The following GNPTAB variants were observed in gnomAD, a reference collection of about 807,000 sequenced individuals.
The protein encoded by GNPTAB is N-acetylglucosamine-1-phosphate transferase subunits alpha and beta.
A neutral mutation model predicts 136.6 loss-of-function variants in GNPTAB; 92 were observed. The observed-to-expected ratio is 0.67, with a 90% CI of 0.57 to 0.80. The LOEUF (loss-of-function observed/expected upper bound fraction) is 0.80. Ranked by LOEUF, GNPTAB falls within the 30% of genes least tolerant of loss-of-function variation. The pLI is 0.00. For synonymous variants in GNPTAB, 512 were observed against 535.1 expected (o/e 0.96, Z 0.60); for missense variants, 1,343 against 1,501.8 (o/e 0.89, Z 1.75).
At chr12:101,773,978 G>C (rs1953222095) in intron 7 of GNPTAB, among the ~76,000 whole-genome samples, 1 of 152,186 alleles carries the variant, frequency 6.6e-6, no homozygotes, top group African/African-American at 2.4e-5. Context: ...ACTCCCTACA[G>C]ACCCACAGTG....
intron 1 of GNPTAB, among the ~76,000 whole-genome samples, chr12:101,797,069 A>G (rs553742755): frequency 6.6e-6 from 1 of 152,246 alleles, no homozygotes; most frequent in East Asian, 1.9e-4. Flanking sequence ...TAGGGAAAAA[A>G]GGACAGGGCC....
At chr12:101,796,505 T>C in intron 2 of GNPTAB, 172 bp downstream of exon 2, 3 of 622,448 alleles carry the variant, frequency 4.8e-6, no homozygotes, top group South Asian at 4.0e-5. Context: ...TTTTTTCCTT[T>C]TTTTTAGTAT....
At chr12:101,800,697 G>C (rs1418186649) in intron 1 of GNPTAB, among the ~76,000 whole-genome samples, 8 of 151,240 alleles carry the variant, frequency 5.3e-5, no homozygotes, top group Non-Finnish European at 1.2e-4. Flanking sequence ...AGAATCGCTT[G>C]AACCTGGGAG....
At chr12:101,757,331 G>A in intron 17 of GNPTAB, 21 bp from the exon 18 acceptor site, 2 of 1,374,348 alleles carry the variant, frequency 1.5e-6, no homozygotes, top group Non-Finnish European at 2.1e-6. Context: ...AAACATATTT[G>A]AAGAGTTTAA....
At chr12:101,775,303 C>A (rs183821488) in intron 7 of GNPTAB, among the ~76,000 whole-genome samples, 1 of 151,986 alleles carries the variant, frequency 6.6e-6, no homozygotes, top group Non-Finnish European at 1.5e-5. Context: ...CTAAGACCAA[C>A]TGAAAACCAA....
rs34788341 is a variant in GNPTAB at position 101,757,566 on chromosome 12, A to C, written c.3335+6T>G. 147 of 1,343,364 alleles carry C rather than the reference A, an allele frequency of 1.1e-4. No individual in the cohort carries two copies. The highest frequency in any genetic ancestry group is 1.5e-4 in the Non-Finnish European group (138 of 934,038). The allele number at this position is 1,343,364 out of a possible 1,614,324, so 83.2% of individuals were successfully genotyped here. A position where few individuals can be genotyped will look rare whatever the true frequency, so the allele number is the denominator to read the frequency against. On this transcript the variant is annotated splice_donor_region_variant and intron_variant, in intron 17 of 20. Coordinates refer to ENST00000299314, the MANE Select transcript of GNPTAB (RefSeq NM_024312.5). ...TAAACAAAGGGAGTATGCGTGTACTACTTACCTATATTTGTTTTTGTCCTT... is the reference window on the plus strand; with the variant it reads ...TAAACAAAGGGAGTATGCGTGTACTCCTTACCTATATTTGTTTTTGTCCTT...
intron 19 of GNPTAB, among the ~76,000 whole-genome samples, chr12:101,750,415 G>A (rs1952799294): frequency 1.3e-5 from 2 of 152,202 alleles, no homozygotes; most frequent in Admixed American, 6.5e-5. Flanking sequence ...AATGTCTAGT[G>A]TCAGTGCAGT....
chr12:101,825,607 G>C (rs1204892015), intron 1 of GNPTAB, among the ~76,000 whole-genome samples: 1 of 152,100 alleles, frequency 6.6e-6, no homozygotes, highest in East Asian at 1.9e-4. Context: ...ATAGTTAGCT[G>C]GACTATGTAC....
intron 2 of GNPTAB, among the ~76,000 whole-genome samples, chr12:101,792,540 G>A (rs936456368): frequency 4.6e-5 from 7 of 152,166 alleles, no homozygotes; most frequent in Non-Finnish European, 8.8e-5. Context: ...AAGATGAAAC[G>A]AACTTGCAGG....
chr12:101,753,567 A>G (rs1212995981), intron 18 of GNPTAB, 28 bp from the exon 19 acceptor site: 1 of 1,580,638 alleles, frequency 6.3e-7, no homozygotes, highest in Non-Finnish European at 8.7e-7. Flanking sequence ...CAGGGTTATT[A>G]GTTACATATG....
Position 101,764,292 on chromosome 12 carries a change from C to T in GNPTAB, c.2625G>A (p.Val875=), listed in dbSNP as rs141529327. ...AATGCTGCAGCTTTCTTCCAAGTAA[C>T]ACTTCAGTAACGCCTATGTGATTTT... ...NAENHIGVTE[V]LLGRKLQHYT... The change falls in exon 13 of 21, where the codon GTG becomes GTA. Residue 875 remains valine, a synonymous_variant. Transcript: ENST00000299314. 738 of 1,614,022 alleles carry T rather than the reference C, an allele frequency of 4.6e-4. No homozygotes were observed. The highest frequency in any genetic ancestry group is 5.7e-4 in the Non-Finnish European group (676 of 1,179,974).
In GNPTAB at chr12:101,764,665, T is replaced by A. The variant is rs1320375643; in HGVS notation, c.2252A>T (p.Gln751Leu). The change falls in exon 13 of 21, where the codon CAA becomes CTA. Residue 751 changes from glutamine (Q) to leucine (L), a missense_variant. Transcript: ENST00000299314. ...MNSQHAKIKN[Q>L]AIITDETNDS... ...ATTTGTTTCATCTGTTATTATAGCT[T>A]GATTTTTTATTTTAGCATGCTGTGA... 1 of 1,612,750 alleles carries A rather than the reference T, an allele frequency of 6.2e-7. No homozygotes were observed. The highest frequency in any genetic ancestry group is 1.7e-5 in the Admixed American group (1 of 59,632).
chr12:101,760,865 C>T (rs1952981429), intron 15 of GNPTAB, among the ~76,000 whole-genome samples: 1 of 151,636 alleles, frequency 6.6e-6, no homozygotes, highest in Non-Finnish European at 1.5e-5. Context: ...CTGCAACCTC[C>T]ACCTCCCAGG....
chr12:101,807,190 A>G (rs1266593037), intron 1 of GNPTAB, among the ~76,000 whole-genome samples: 1 of 152,246 alleles, frequency 6.6e-6, no homozygotes, highest in Admixed American at 6.5e-5. Context: ...TTGTATGACG[A>G]TACCAATAGA....
In GNPTAB at chr12:101,830,651, G is replaced by C. The variant is rs1871323854; in HGVS notation, c.25C>G (p.Gln9Glu). The change falls in exon 1 of 21, where the codon CAG becomes GAG. Residue 9 changes from glutamine (Q) to glutamate (E), a missense_variant. Physicochemically the swap from Gln to Glu is conservative, Grantham distance 29. Coordinates refer to ENST00000299314, the MANE Select transcript of GNPTAB (RefSeq NM_024312.5). MLFKLLQR[Q>E]TYTCLSHRYG... is the part of the protein sequence containing the mutation. Reference sequence around the variant, plus strand: ...CTGTGGGACAGGCAGGTATAGGTCTGTCTCTGCAGGAGCTTGAACAGCATC... The same window carrying C: ...CTGTGGGACAGGCAGGTATAGGTCTCTCTCTGCAGGAGCTTGAACAGCATC... 1 of 1,609,838 alleles carries C rather than the reference G, an allele frequency of 6.2e-7. No homozygotes were observed. The highest frequency in any genetic ancestry group is 1.7e-5 in the Admixed American group (1 of 59,976).
At chr12:101,801,135 G>A (rs1371162421) in intron 1 of GNPTAB, among the ~76,000 whole-genome samples, 4 of 144,838 alleles carry the variant, frequency 2.8e-5, no homozygotes, top group African/African-American at 1.0e-4. Flanking sequence ...CAGAGGCTGA[G>A]TCTGGAGTAT....
Position 101,780,146 on chromosome 12 carries a change from T to G in GNPTAB, c.771+6A>C. The G allele has an allele frequency of 6.2e-7, 1 of 1,612,410 alleles. No individual in the cohort carries two copies. The highest frequency in any genetic ancestry group is 8.5e-7 in the Non-Finnish European group (1 of 1,178,414). Reference sequence around the variant, plus strand: ...AGGCTAATTGCTCTATTTTCTATGTTCTTACCAGTTTGACTTTAGAGGAAA... The same window carrying G: ...AGGCTAATTGCTCTATTTTCTATGTGCTTACCAGTTTGACTTTAGAGGAAA... On this transcript the variant is annotated splice_donor_region_variant and intron_variant, in intron 7 of 20. Coordinates refer to ENST00000299314, the MANE Select transcript of GNPTAB (RefSeq NM_024312.5).
rs550013493 is a variant in GNPTAB, at chr12:101,755,928, C to T, written c.3434+1284G>A. The stretch of plus-strand genomic sequence containing the variant: ...ATAACTTTCAAATTGGCACAAAGAC[C>T]TAAAAGTATAGGCTACAACTAAAAA... On this transcript the variant is annotated intron_variant, in intron 18 of 20. Transcript: ENST00000299314. 2.0e-5 allele frequency among the ~76,000 whole-genome samples: 3 copies of T among 152,236 alleles called. No individual in the cohort carries two copies. In the East Asian group the frequency reaches 5.8e-4, roughly 29 times the overall value.
At chr12:101,823,605 G>A (rs1369389717) in intron 1 of GNPTAB, among the ~76,000 whole-genome samples, 86 of 60,042 alleles carry the variant, frequency 1.4e-3, no homozygotes, top group African/African-American at 5.6e-3. Context: ...ACGAGACTCC[G>A]TCTCAAAAAA....
Sources: gnomAD v4.1 joint callset for allele counts (sites outside exome capture counted in the v4.1 genomes callset) on GRCh38, gnomAD v4.1.1 for gene constraint, MANE v1.5 for transcripts, NCBI Gene and HGNC (gene_info 2026-07-23, HGNC 2026-07-21) for gene names.